Variants in KCTD16 observed in about 807,000 individuals in gnomAD.
KCTD16 encodes the protein potassium channel tetramerization domain containing 16, also known as BTB/POZ domain-containing protein KCTD16.
Under a neutral mutation model 33.2 loss-of-function variants are expected in KCTD16, and 13 were observed. The ratio of observed to expected loss-of-function variants is 0.39; its 90% CI spans 0.25 to 0.62. KCTD16 has a LOEUF of 0.62. Ranked by LOEUF, KCTD16 falls within the 20% of genes least tolerant of loss-of-function variation. The pLI is 0.50. For synonymous variants in KCTD16, 197 were observed against 195.3 expected (o/e 1.01, Z -0.07); for missense variants, 441 against 525.1 (o/e 0.84, Z 1.57).
chr5:144,222,277 A>G (rs553328367), intron 3 of KCTD16, among the ~76,000 whole-genome samples: 1 of 152,218 alleles, frequency 6.6e-6, no homozygotes, highest in South Asian at 2.1e-4. Context: ...GTCAAAATAA[A>G]AAATAAGTAT....
chr5:144,439,951 A>C (rs1417363991), intron 3 of KCTD16, among the ~76,000 whole-genome samples: 17 of 125,658 alleles, frequency 1.4e-4, no homozygotes, highest in African/African-American at 8.5e-4. Flanking sequence ...TCATAATCTA[A>C]AAAAAAAAAA....
At chr5:144,219,056 T>C (rs980403952) in intron 3 of KCTD16, among the ~76,000 whole-genome samples, 1 of 152,168 alleles carries the variant, frequency 6.6e-6, no homozygotes, top group Non-Finnish European at 1.5e-5. Context: ...AAGTGTCTTT[T>C]CTTCCTAACA....
At chr5:144,192,223 A>C (rs1432669013) in intron 2 of KCTD16, among the ~76,000 whole-genome samples, 1 of 152,178 alleles carries the variant, frequency 6.6e-6, no homozygotes, top group African/African-American at 2.4e-5. Context: ...GATGCAAGAG[A>C]CTGTGATAAC....
chr5:144,176,721 A>C (rs1752519189), intron 2 of KCTD16, among the ~76,000 whole-genome samples: 1 of 152,176 alleles, frequency 6.6e-6, no homozygotes, highest in Non-Finnish European at 1.5e-5. Flanking sequence ...TGTTTCTTAA[A>C]ATCATAGATG....
intron 3 of KCTD16, among the ~76,000 whole-genome samples, chr5:144,360,589 G>A (rs910466897): frequency 6.6e-6 from 1 of 151,866 alleles, no homozygotes; most frequent in Non-Finnish European, 1.5e-5. Flanking sequence ...ACACCACCAC[G>A]CCCAGCTAAT....
At chr5:144,291,939 A>G (rs1354879347) in intron 3 of KCTD16, among the ~76,000 whole-genome samples, 2 of 152,234 alleles carry the variant, frequency 1.3e-5, no homozygotes, top group Non-Finnish European at 2.9e-5. Context: ...TTACCTTTTC[A>G]AAATTAGGGT....
chr5:144,413,873 A>G (rs1286312489), intron 3 of KCTD16, among the ~76,000 whole-genome samples: 1 of 152,178 alleles, frequency 6.6e-6, no homozygotes, highest in Non-Finnish European at 1.5e-5. Context: ...AATCTGGAGA[A>G]CCAGGTTCTG....
chr5:144,420,675 T>C (rs1753189753), intron 3 of KCTD16, among the ~76,000 whole-genome samples: 2 of 152,112 alleles, frequency 1.3e-5, no homozygotes, highest in Non-Finnish European at 2.9e-5. Flanking sequence ...GGGTAGGGTC[T>C]AATGCATCAT....
At chr5:144,308,906 C>T (rs1055968202) in intron 3 of KCTD16, among the ~76,000 whole-genome samples, 3 of 151,826 alleles carry the variant, frequency 2.0e-5, no homozygotes, top group Non-Finnish European at 4.4e-5. Context: ...CAGTGTTGAG[C>T]ATGGGGTCTC....
Position 144,474,758 on chromosome 5 carries a change from C to T in KCTD16, c.*644C>T, listed in dbSNP as rs537506362. The T allele has an allele frequency of 2.7e-4, 41 of 152,550 alleles. No individual in the cohort carries two copies. Among genetic ancestry groups the T allele is most frequent in the Admixed American group, 4.6e-4 (7 of 15,300 alleles). 9.4% of individuals were successfully genotyped at this position (152,550 alleles called of 1,614,324 possible). A position where few individuals can be genotyped will look rare whatever the true frequency, so the allele number is the denominator to read the frequency against. ...CCAGCAGCCCTCTCTTAGAATATTTCAGATGGATGAGCTTCTGACTCTTTC... is the reference window on the plus strand; with the variant it reads ...CCAGCAGCCCTCTCTTAGAATATTTTAGATGGATGAGCTTCTGACTCTTTC... On this transcript the variant is annotated 3_prime_UTR_variant, in exon 4 of 4. Transcript: ENST00000512467.
rs574942508 is a variant in KCTD16, at chr5:144,482,600, C to T, written c.*8486C>T. Reference sequence around the variant, plus strand: ...AAAAGCCCAAATGTGATTAACTGCCCTCAGCATCTCATTGTTACTGTTATA... The same window carrying T: ...AAAAGCCCAAATGTGATTAACTGCCTTCAGCATCTCATTGTTACTGTTATA... On this transcript the variant is annotated 3_prime_UTR_variant, in exon 4 of 4. Coordinates refer to ENST00000512467, the MANE Select transcript of KCTD16 (RefSeq NM_020768.4). 9 of 151,884 alleles carry T rather than the reference C, an allele frequency of 5.9e-5. No homozygotes were observed. In the South Asian group the frequency reaches 1.7e-3, roughly 28 times the overall value. The allele number at this position is 151,884 out of a possible 1,614,324, so 9.4% of individuals were successfully genotyped here.
chr5:144,411,269 A>G (rs1441737162), intron 3 of KCTD16, among the ~76,000 whole-genome samples: 2 of 152,178 alleles, frequency 1.3e-5, no homozygotes, highest in East Asian at 1.9e-4. Flanking sequence ...GCATCACACT[A>G]TGTGACTTCA....
chr5:144,330,666 ATAACT>A (rs1310060197), intron 3 of KCTD16, among the ~76,000 whole-genome samples: 1 of 152,108 alleles, frequency 6.6e-6, no homozygotes, highest in Non-Finnish European at 1.5e-5. Flanking sequence ...CAATGTGTTA[ATAACT>A]TAAGACATAT....
chr5:144,409,002 T>C lies in KCTD16; in HGVS notation c.833-64658T>C, dbSNP rs545657319. 5.3e-5 allele frequency among the ~76,000 whole-genome samples: 8 copies of C among 152,340 alleles called. No individual in the cohort carries two copies. In the South Asian group the frequency reaches 1.7e-3, roughly 32 times the overall value. ...ACTCACTTATTACCAGTCTATTGTC[T>C]ATCTTCCCTCATGAGAATAAATGCT... On this transcript the variant is annotated intron_variant, in intron 3 of 3. Coordinates refer to ENST00000512467, the MANE Select transcript of KCTD16 (RefSeq NM_020768.4).
chr5:144,247,973 A>G (rs1299581145), intron 3 of KCTD16, among the ~76,000 whole-genome samples: 2 of 152,200 alleles, frequency 1.3e-5, no homozygotes, highest in Non-Finnish European at 2.9e-5. Context: ...AGGAGGAGGC[A>G]TGTGATTTCA....
chr5:144,307,583 C>A (rs1204967380), intron 3 of KCTD16, among the ~76,000 whole-genome samples: 3 of 152,130 alleles, frequency 2.0e-5, no homozygotes, highest in South Asian at 2.1e-4. Context: ...ATAACTTCCC[C>A]AAGATTATAC....
At chr5:144,225,553 TG>T (rs1476865617) in intron 3 of KCTD16, among the ~76,000 whole-genome samples, 5 of 20,428 alleles carry the variant, frequency 2.4e-4, no homozygotes, top group African/African-American at 5.5e-4. Context: ...AAAAATAAAT[TG>T]TGTGTGTGTG....
chr5:144,249,690 A>G (rs1309197208), intron 3 of KCTD16, among the ~76,000 whole-genome samples: 3 of 152,176 alleles, frequency 2.0e-5, no homozygotes, highest in Non-Finnish European at 4.4e-5. Context: ...AAAGTATTTC[A>G]TGTGGGTTTT....
chr5:144,276,921 C>A (rs1056661627), intron 3 of KCTD16, among the ~76,000 whole-genome samples: 1 of 151,510 alleles, frequency 6.6e-6, no homozygotes, highest in African/African-American at 2.4e-5. Flanking sequence ...AAAAGAAACT[C>A]CATCCCATAA....
Sources: gnomAD v4.1 joint callset for allele counts (sites outside exome capture counted in the v4.1 genomes callset) on GRCh38, gnomAD v4.1.1 for gene constraint, MANE v1.5 for transcripts, NCBI Gene and HGNC (gene_info 2026-07-23, HGNC 2026-07-21) for gene names.